Variants in EIF4ENIF1 observed in about 807,000 individuals in gnomAD.
EIF4ENIF1 encodes the protein eukaryotic translation initiation factor 4E nuclear import factor 1.
A neutral mutation model predicts 110.5 loss-of-function variants in EIF4ENIF1; 23 were observed. The observed-to-expected ratio is 0.21, with a 90% CI of 0.15 to 0.29. EIF4ENIF1 has a LOEUF of 0.29. Ranked by LOEUF, EIF4ENIF1 falls within the 10% of genes least tolerant of loss-of-function variation. The pLI, the probability that EIF4ENIF1 is intolerant of heterozygous loss-of-function variation, is 1.00. For missense variants in EIF4ENIF1, 1,031 were observed against 1,221.1 expected (o/e 0.84, Z 2.32); for synonymous variants, 440 against 437.0 (o/e 1.01, Z -0.09).
In EIF4ENIF1 at chr22:31,462,952, C is replaced by T. The variant is rs368717204; in HGVS notation, c.767G>A (p.Arg256Gln). 134 of 1,613,746 alleles carry T rather than the reference C, an allele frequency of 8.3e-5. No individual in the cohort carries two copies. The highest frequency in any genetic ancestry group is 1.1e-4 in the Non-Finnish European group (126 of 1,179,942). Residue 256 changes from arginine (R) to glutamine (Q), a missense_variant, in exon 6 of 19, where the codon CGG becomes CAG. Arg to Gln is a conservative substitution (Grantham distance 43). Transcript: ENST00000330125. The part of the protein sequence containing the change: ...DHKGRKRTRR[R>Q]TASVKEGIVE... The stretch of plus-strand genomic sequence containing the variant: ...CTGACCTTCCTTCACAGAGGCTGTC[C>T]GTCGCCTTGTTCTTTTTCTCCCTTT...
upstream of EIF4ENIF1, among the ~76,000 whole-genome samples, chr22:31,490,525 A>G (rs2052240185): frequency 6.6e-6 from 1 of 152,230 alleles, no homozygotes; most frequent in African/African-American, 2.4e-5. Context: ...TTTGATAGCG[A>G]TAAAGGCGAC....
At chr22:31,450,721 C>G (rs1264216847) in intron 10 of EIF4ENIF1, 10 of 20,884 alleles carry the variant, frequency 4.8e-4, no homozygotes, top group Admixed American at 1.8e-3. Context: ...TTATTGGAGA[C>G]ACACACACAC....
rs772206984 is a variant in EIF4ENIF1, at chr22:31,454,293, T to G, written c.1363A>C (p.Thr455Pro). Residue 455 changes from threonine (T) to proline (P), a missense_variant, in exon 10 of 19, where the codon ACT becomes CCT. By Grantham distance (38) the Thr-to-Pro change is conservative (BLOSUM62 -1). This residue lies in a region of EIF4ENIF1 where 704 missense variants were observed against 879.7 expected (regional missense o/e 0.80). Coordinates refer to ENST00000330125, the MANE Select transcript of EIF4ENIF1 (RefSeq NM_019843.4). ...LKVDQQVKNS[T>P]PFMAEHLEET... ...TCTAGGTGTTCTGCCATGAAGGGAGTTGAATTCTTCACTTGCTGGTCAACC... is the reference window on the plus strand; with the variant it reads ...TCTAGGTGTTCTGCCATGAAGGGAGGTGAATTCTTCACTTGCTGGTCAACC... The G allele has an allele frequency of 1.9e-6, 3 of 1,613,896 alleles. No individual in the cohort carries two copies. The highest frequency in any genetic ancestry group is 2.7e-5 in the African/African-American group (2 of 74,842).
Position 31,439,928 on chromosome 22 carries a change from G to T in EIF4ENIF1, c.2910C>A (p.Ser970=). Reference sequence around the variant, plus strand: ...CTACACTGATAACTTTGGCGGGCATGGAGGGCAGGGGTTGCTGTAGCACAT... The same window carrying T: ...CTACACTGATAACTTTGGCGGGCATTGAGGGCAGGGGTTGCTGTAGCACAT... The part of the protein sequence containing the change: ...GSDVLQQPLP[S]MPAKVISVDE... Residue 970 remains serine (S), a synonymous_variant, in exon 19 of 19, where the codon TCC becomes TCA. Coordinates refer to ENST00000330125, the MANE Select transcript of EIF4ENIF1 (RefSeq NM_019843.4). 6.2e-7 allele frequency: 1 copy of T among 1,614,162 alleles called. No homozygotes were observed. The highest frequency in any genetic ancestry group is 8.5e-7 in the Non-Finnish European group (1 of 1,180,034).
rs952351806 is a variant in EIF4ENIF1, at chr22:31,488,706, T to G, written c.13A>C (p.Ser5Arg). MDRR[S>R]MGETESGDAF... ...TCTCCACTTTCTGTTTCACCCATAC[T>G]TCTCCTATCCATGGCTCCTTGGTCT... Residue 5 changes from serine (S) to arginine (R), a missense_variant, in exon 2 of 19, where the codon AGT becomes CGT. Ser to Arg is a moderately radical substitution (Grantham distance 110). Transcript: ENST00000330125. 6.2e-7 allele frequency: 1 copy of G among 1,614,116 alleles called. No individual in the cohort carries two copies. Among genetic ancestry groups the G allele is most frequent in the Admixed American group, 1.7e-5 (1 of 60,006 alleles).
intron 13 of EIF4ENIF1, 145 bp from the exon 14 acceptor site, chr22:31,447,710 C>T (rs974793039): frequency 2.4e-6 from 2 of 849,930 alleles, no homozygotes; most frequent in Non-Finnish European, 3.5e-6. Context: ...GTGCTGCCAT[C>T]GCAGTGAACA....
intron 2 of EIF4ENIF1, among the ~76,000 whole-genome samples, chr22:31,488,303 A>G (rs1256384067): frequency 6.6e-6 from 1 of 152,206 alleles, no homozygotes; most frequent in African/African-American, 2.4e-5. Flanking sequence ...TAATCCTCAC[A>G]GTACAGTATG....
chr22:31,443,078 G>C lies in EIF4ENIF1; in HGVS notation c.2090C>G (p.Thr697Ser). 6.2e-7 allele frequency: 1 copy of C among 1,614,088 alleles called. No individual in the cohort carries two copies. Among genetic ancestry groups the C allele is most frequent in the Admixed American group, 1.7e-5 (1 of 60,014 alleles). The change falls in exon 16 of 19, where the codon ACC becomes AGC. Residue 697 changes from threonine to serine, a missense_variant. This residue lies in a region of EIF4ENIF1 where 704 missense variants were observed against 879.7 expected (regional missense o/e 0.80). Coordinates refer to ENST00000330125, the MANE Select transcript of EIF4ENIF1 (RefSeq NM_019843.4). ...CATCTTACGAATCACTGAGGTAGGG[G>C]TAAAGGAAGGAGAAAGCTGCAGAGA... ...SITSMLSPSF[T>S]PTSVIRKMYE...
chr22:31,481,695 G>T (rs1405697978), intron 2 of EIF4ENIF1, among the ~76,000 whole-genome samples: 1 of 152,118 alleles, frequency 6.6e-6, no homozygotes, highest in African/African-American at 2.4e-5. Context: ...GATGACTCAA[G>T]TCAGTCACTT....
intron 4 of EIF4ENIF1, among the ~76,000 whole-genome samples, chr22:31,464,402 C>T (rs1284587700): frequency 2.0e-5 from 3 of 151,806 alleles, no homozygotes; most frequent in Admixed American, 6.6e-5. Flanking sequence ...TATTTGGGGC[C>T]GGGCATGGTG....
chr22:31,477,390 A>AG lies in EIF4ENIF1; in HGVS notation c.97-5474_97-5473insC, dbSNP rs1569101931. Among the ~76,000 whole-genome samples, 22 of 133,678 alleles carry AG rather than the reference A, an allele frequency of 1.6e-4. 1 individual carries two copies. Among genetic ancestry groups the AG allele is most frequent in the African/African-American group, 2.8e-4 (10 of 35,914 alleles). The allele number at this position is 133,678 out of a possible 152,430, so 87.7% of individuals were successfully genotyped here. ...AAAAAAAAAACAAAAAAAACAAAAA[A>AG]AGAGAATTTGAAATTGAGAGGTTAT... is the stretch of plus-strand genomic sequence containing the variant. On this transcript the variant is annotated intron_variant, in intron 2 of 18. Coordinates refer to ENST00000330125, the MANE Select transcript of EIF4ENIF1 (RefSeq NM_019843.4).
At chr22:31,456,379 A>C (rs1053344083) in intron 7 of EIF4ENIF1, among the ~76,000 whole-genome samples, 2 of 151,418 alleles carry the variant, frequency 1.3e-5, no homozygotes, top group African/African-American at 2.4e-5. Flanking sequence ...GCCTGCCACC[A>C]CGCCCGGCTA....
At chr22:31,462,018 T>C (rs1200262924) in intron 6 of EIF4ENIF1, among the ~76,000 whole-genome samples, 4 of 152,200 alleles carry the variant, frequency 2.6e-5, no homozygotes, top group Admixed American at 2.0e-4. Context: ...GTTTAGGACA[T>C]AATTGCTCAA....
At chr22:31,480,528 C>G (rs1334334054) in intron 2 of EIF4ENIF1, among the ~76,000 whole-genome samples, 2 of 152,006 alleles carry the variant, frequency 1.3e-5, no homozygotes, top group Admixed American at 1.3e-4. Flanking sequence ...GAGGGTGAGA[C>G]GGGCAGATCA....
chr22:31,481,326 C>T (rs964240999), intron 2 of EIF4ENIF1, among the ~76,000 whole-genome samples: 1 of 64,050 alleles, frequency 1.6e-5, no homozygotes, highest in African/African-American at 6.4e-5. Flanking sequence ...CCACCTCTGG[C>T]AATTTTTTTT....
intron 2 of EIF4ENIF1, among the ~76,000 whole-genome samples, chr22:31,487,062 C>T (rs2052058189): frequency 6.7e-6 from 1 of 148,192 alleles, no homozygotes; most frequent in Admixed American, 6.8e-5. Context: ...AAGAGTAAAA[C>T]TCCATCTCAA....
At chr22:31,477,485 C>A (rs1482691495) in intron 2 of EIF4ENIF1, among the ~76,000 whole-genome samples, 1 of 150,662 alleles carries the variant, frequency 6.6e-6, no homozygotes, top group Non-Finnish European at 1.5e-5. Context: ...GAGTGATAAA[C>A]ACCAACTACT....
chr22:31,445,284 C>T (rs1378590633), intron 14 of EIF4ENIF1, among the ~76,000 whole-genome samples: 4 of 145,816 alleles, frequency 2.7e-5, no homozygotes, highest in African/African-American at 9.7e-5. Context: ...GTGTGACACT[C>T]GTTCAAATCA....
In EIF4ENIF1 at chr22:31,442,087, A is replaced by G. The variant is rs138161931; in HGVS notation, c.2238T>C (p.Ser746=). The G allele has an allele frequency of 3.7e-6, 6 of 1,613,982 alleles. No individual in the cohort carries two copies. The highest frequency in any genetic ancestry group is 3.4e-6 in the Non-Finnish European group (4 of 1,179,992). ...TAGTGGGAGAAGAGTCTCGATCGGC[A>G]CTGGGTACAGAGCTGGATGACAGGA... ...ENLLSSSSVP[S]ADRDSSPTTN... is the part of the protein sequence containing the mutation. The change falls in exon 17 of 19, where the codon AGT becomes AGC. Residue 746 remains serine (S), a synonymous_variant. Coordinates refer to ENST00000330125, the MANE Select transcript of EIF4ENIF1 (RefSeq NM_019843.4).
Sources: gnomAD v4.1 joint callset for allele counts (sites outside exome capture counted in the v4.1 genomes callset) on GRCh38, gnomAD v4.1.1 for gene constraint, gnomAD v4.1.1 regional missense constraint, MANE v1.5 for transcripts, NCBI Gene and HGNC (gene_info 2026-07-23, HGNC 2026-07-21) for gene names.